NTM: variants seen among roughly 807,000 people sequenced by gnomAD.
The protein encoded by NTM is neurotrimin.
A neutral mutation model predicts 42.1 loss-of-function variants in NTM; 13 were observed. That is an observed-to-expected ratio of 0.31 (90% confidence interval 0.20 to 0.49). The LOEUF (loss-of-function observed/expected upper bound fraction) is 0.49. Ranked by LOEUF, NTM falls within the 20% of genes least tolerant of loss-of-function variation. The pLI, the probability that NTM is intolerant of heterozygous loss-of-function variation, is 0.99. For synonymous variants in NTM, 187 were observed against 179.2 expected (o/e 1.04, Z -0.35); for missense variants, 373 against 452.8 (o/e 0.82, Z 1.60).
At chr11:131,990,525 G>A (rs1441831047) in intron 2 of NTM, among the ~76,000 whole-genome samples, 1 of 151,904 alleles carries the variant, frequency 6.6e-6, no homozygotes, top group East Asian at 1.9e-4. Flanking sequence ...GTGTGTGTGT[G>A]TCTATAATGT....
intron 1 of NTM, among the ~76,000 whole-genome samples, chr11:131,752,526 A>G (rs2082695421): frequency 6.6e-6 from 1 of 152,214 alleles, no homozygotes; most frequent in Non-Finnish European, 1.5e-5. Flanking sequence ...TGATTCAGCA[A>G]TCCCATTACT....
chr11:131,532,166 C>A (rs189750543), intron 1 of NTM, among the ~76,000 whole-genome samples: 1 of 152,222 alleles, frequency 6.6e-6, no homozygotes, highest in Admixed American at 6.5e-5. Context: ...CTATTACAAC[C>A]ATCTCCAGAA....
intron 2 of NTM, among the ~76,000 whole-genome samples, chr11:132,104,117 C>G (rs939966122): frequency 1.3e-5 from 2 of 152,166 alleles, no homozygotes; most frequent in Non-Finnish European, 2.9e-5. Flanking sequence ...CAAGGCACAA[C>G]TCCTGGCACC....
intron 2 of NTM, among the ~76,000 whole-genome samples, chr11:132,132,606 C>T (rs2067022987): frequency 6.6e-6 from 1 of 152,186 alleles, no homozygotes; most frequent in Non-Finnish European, 1.5e-5. Context: ...TAAACATTAA[C>T]ACCTCCATGC....
At chr11:131,654,827 G>A (rs938290951) in intron 1 of NTM, among the ~76,000 whole-genome samples, 1 of 152,166 alleles carries the variant, frequency 6.6e-6, no homozygotes, top group Non-Finnish European at 1.5e-5. Context: ...AGCTGGCATT[G>A]GAGCCACGCT....
At chr11:131,996,904 A>G (rs1174249290) in intron 2 of NTM, among the ~76,000 whole-genome samples, 2 of 152,150 alleles carry the variant, frequency 1.3e-5, no homozygotes, top group African/African-American at 4.8e-5. Context: ...ATGGAGGGAA[A>G]CACTCCTGTA....
At chr11:131,864,574 A>G (rs2136996483) in intron 1 of NTM, among the ~76,000 whole-genome samples, 1 of 152,274 alleles carries the variant, frequency 6.6e-6, no homozygotes, top group South Asian at 2.1e-4. Context: ...GGGACCAGGG[A>G]CTTCTAGAGT....
intron 1 of NTM, among the ~76,000 whole-genome samples, chr11:131,894,692 C>G (rs1225302561): frequency 6.6e-6 from 1 of 152,166 alleles, no homozygotes; most frequent in Non-Finnish European, 1.5e-5. Flanking sequence ...TGCAAACCAC[C>G]AGCAGCAGCC....
intron 7 of NTM, chr11:132,315,097 G>C: frequency 1.0e-6 from 1 of 999,202 alleles, no homozygotes; most frequent in Non-Finnish European, 1.2e-6. Flanking sequence ...TTTTCTCAGT[G>C]ATGATGGCTC....
chr11:131,606,750 A>G (rs2060995715), intron 1 of NTM, among the ~76,000 whole-genome samples: 1 of 152,210 alleles, frequency 6.6e-6, no homozygotes, highest in African/African-American at 2.4e-5. Context: ...TTGTAGGGCA[A>G]CAAAGAGCAA....
At position 131,442,389 on chromosome 11, in the gene NTM, G is replaced by A. The variant is rs569466664; in HGVS notation, c.82+71501G>A. 7.2e-5 allele frequency among the ~76,000 whole-genome samples: 11 copies of A among 152,290 alleles called. No individual in the cohort carries two copies. The South Asian group carries it at 2.1e-3, about 29-fold the overall frequency. On this transcript the variant is annotated intron_variant, in intron 1 of 8. Coordinates refer to ENST00000683400, the MANE Select transcript of NTM (RefSeq NM_001352005.2). ...GCAGCAGCAGCAATACAACAGAGGG[G>A]ACATGACAGCTTTCAGTGCATGGTC...
intron 1 of NTM, among the ~76,000 whole-genome samples, chr11:131,789,650 A>G (rs1166565425): frequency 1.4e-5 from 2 of 138,152 alleles, no homozygotes; most frequent in African/African-American, 5.4e-5. Flanking sequence ...AAGAAGAAGA[A>G]GAAGAAGAAG....
At chr11:131,780,510 C>G (rs532944779) in intron 1 of NTM, among the ~76,000 whole-genome samples, 1 of 152,058 alleles carries the variant, frequency 6.6e-6, no homozygotes, top group Non-Finnish European at 1.5e-5. Flanking sequence ...TCTGAGATCA[C>G]TAGGAGAATC....
chr11:131,435,370 T>C (rs1949036100), intron 1 of NTM, among the ~76,000 whole-genome samples: 1 of 152,244 alleles, frequency 6.6e-6, no homozygotes, highest in South Asian at 2.1e-4. Flanking sequence ...AATCTATAAA[T>C]TACCTTGGGC....
At chr11:132,174,537 G>T (rs2076528157) in intron 3 of NTM, among the ~76,000 whole-genome samples, 1 of 152,220 alleles carries the variant, frequency 6.6e-6, no homozygotes, top group South Asian at 2.1e-4. Context: ...GATGGGCATT[G>T]CTGTGTCGCC....
chr11:131,873,115 A>G (rs1352701074), intron 1 of NTM, among the ~76,000 whole-genome samples: 1 of 152,182 alleles, frequency 6.6e-6, no homozygotes, highest in African/African-American at 2.4e-5. Context: ...ACCAACCCAA[A>G]TGCCCATCAA....
intron 4 of NTM, among the ~76,000 whole-genome samples, chr11:132,218,304 G>GT (rs2084360886): frequency 2.0e-5 from 3 of 152,150 alleles, no homozygotes; most frequent in East Asian, 1.9e-4. Flanking sequence ...GAAAGCAAAA[G>GT]TTTTTCTAAA....
chr11:131,428,603 C>T (rs541610548), intron 1 of NTM, among the ~76,000 whole-genome samples: 1 of 152,226 alleles, frequency 6.6e-6, no homozygotes, highest in East Asian at 1.9e-4. Context: ...ACACATCTGT[C>T]TTCATCCCCT....
At chr11:132,277,578 C>T (rs574741055) in intron 4 of NTM, among the ~76,000 whole-genome samples, 8 of 152,196 alleles carry the variant, frequency 5.3e-5, no homozygotes, top group South Asian at 2.1e-4. Context: ...AGAATTTGGG[C>T]GTACTTGAAT....
Sources: allele counts gnomAD v4.1 joint callset (sites outside exome capture counted in the v4.1 genomes callset), GRCh38; gene constraint gnomAD v4.1.1; transcripts MANE v1.5; gene names NCBI Gene and HGNC (gene_info 2026-07-23, HGNC 2026-07-21).